TSGA10: variants seen among roughly 807,000 people sequenced by gnomAD.
TSGA10 encodes the protein testis-specific gene 10 protein.
Under a neutral mutation model 96.6 loss-of-function variants are expected in TSGA10, and 43 were observed. That is an observed-to-expected ratio of 0.44 (90% CI 0.35 to 0.57). TSGA10 has a LOEUF of 0.57. TSGA10 is among the 20% of genes least tolerant of loss of function. The probability of loss-of-function intolerance (pLI) is 0.01; values close to 1 mark genes in which losing one functional copy is unlikely to be tolerated. For missense variants in TSGA10, 703 were observed against 834.4 expected (o/e 0.84, Z 1.94); for synonymous variants, 229 against 269.9 (o/e 0.85, Z 1.48).
In TSGA10 at chr2:99,118,658, C is replaced by A. The variant is rs1386134811; in HGVS notation, c.-463G>T. On this transcript the variant is annotated 5_prime_UTR_variant, in exon 3 of 21. Coordinates refer to ENST00000393483, the MANE Select transcript of TSGA10 (RefSeq NM_025244.4). Reference sequence around the variant, plus strand: ...AACCATCAATGGATGAAGAAAAGGGCCTTTTCTATCACAAAGGTATCCAAA... The same window carrying A: ...AACCATCAATGGATGAAGAAAAGGGACTTTTCTATCACAAAGGTATCCAAA... 2.9e-5 allele frequency: 29 copies of A among 984,372 alleles called. No homozygotes were observed. Among genetic ancestry groups the A allele is most frequent in the Non-Finnish European group, 3.3e-5 (27 of 829,712 alleles). The allele number at this position is 984,372 out of a possible 1,614,324, so 61.0% of individuals were successfully genotyped here.
intron 1 of TSGA10, among the ~76,000 whole-genome samples, chr2:99,130,157 T>C (rs2093008580): frequency 2.0e-5 from 3 of 152,340 alleles, no homozygotes; most frequent in South Asian, 2.1e-4. Context: ...AGTAATGGGA[T>C]TGCTGTGTCA....
rs577899190 is a variant in TSGA10, at chr2:99,100,327, C to A, written c.611+3640G>T. Reference sequence around the variant, plus strand: ...GGAAAGTTTTGTAATGGTACAAGAACCATGTAAAAGACAAATGGAACAGAT... The same window carrying A: ...GGAAAGTTTTGTAATGGTACAAGAAACATGTAAAAGACAAATGGAACAGAT... On this transcript the variant is annotated intron_variant, in intron 10 of 20. Coordinates refer to ENST00000393483, the MANE Select transcript of TSGA10 (RefSeq NM_025244.4). Among the ~76,000 whole-genome samples, 385 of 152,102 alleles carry A rather than the reference C, an allele frequency of 2.5e-3. 3 individuals are homozygous for A. Among genetic ancestry groups the A allele is most frequent in the African/African-American group, 9.0e-3 (373 of 41,500 alleles).
Position 99,002,878 on chromosome 2 carries a change from GAGAA to G in TSGA10, c.2073-4661_2073-4658del, listed in dbSNP as rs754213103. Among the ~76,000 whole-genome samples, 398 of 140,676 alleles carry G rather than the reference GAGAA, an allele frequency of 2.8e-3. 1 individual carries two copies. Among genetic ancestry groups the G allele is most frequent in the Non-Finnish European group, 4.9e-3 (311 of 63,946 alleles). The allele number at this position is 140,676 out of a possible 152,430, so 92.3% of individuals were successfully genotyped here. On this transcript the variant is annotated intron_variant, in intron 20 of 20. Transcript: ENST00000393483. ...TAAAACAAACTTTTTTTTTTTTTTTGAGAAAGAGTCTCACTCTGTCGCCCAGGCT... is the reference window on the plus strand; with the variant it reads ...TAAAACAAACTTTTTTTTTTTTTTTGAGAGTCTCACTCTGTCGCCCAGGCT...
intron 15 of TSGA10, 131 bp from the exon 16 acceptor site, chr2:99,065,255 T>C (rs1368132074): frequency 1.0e-6 from 1 of 958,618 alleles, no homozygotes; most frequent in African/African-American, 1.7e-5. Flanking sequence ...GAAATATATC[T>C]ATACTCTTAG....
intron 16 of TSGA10, among the ~76,000 whole-genome samples, chr2:99,056,359 C>T (rs940974584): frequency 1.3e-5 from 2 of 152,070 alleles, no homozygotes; most frequent in Non-Finnish European, 2.9e-5. Context: ...TAACGCAATC[C>T]TTACATACTG....
At position 99,042,039 on chromosome 2, in the gene TSGA10, C is replaced by CCTTTTTTTTT. The variant is rs1558816084; in HGVS notation, c.1405-6601_1405-6600insAAAAAAAAAG. Among the ~76,000 whole-genome samples, 2 of 140,110 alleles carry CCTTTTTTTTT rather than the reference C, an allele frequency of 1.4e-5. 1 individual carries two copies. Among genetic ancestry groups the CCTTTTTTTTT allele is most frequent in the African/African-American group, 5.6e-5 (2 of 35,668 alleles). The allele number at this position is 140,110 out of a possible 152,430, so 91.9% of individuals were successfully genotyped here. A position where few individuals can be genotyped will look rare whatever the true frequency, so the allele number is the denominator to read the frequency against. Reference sequence around the variant, plus strand: ...ACATGAATAGACAATTGCCCCCCCACATTTTTTTTTTTTTTTTTTTTGAGA... The same window carrying CCTTTTTTTTT: ...ACATGAATAGACAATTGCCCCCCCACCTTTTTTTTTATTTTTTTTTTTTTTTTTTTTGAGA... On this transcript the variant is annotated intron_variant, in intron 16 of 20. Coordinates refer to ENST00000393483, the MANE Select transcript of TSGA10 (RefSeq NM_025244.4).
At chr2:99,017,492 G>A (rs1052374288) in intron 20 of TSGA10, among the ~76,000 whole-genome samples, 7 of 152,186 alleles carry the variant, frequency 4.6e-5, no homozygotes, top group Non-Finnish European at 8.8e-5. Flanking sequence ...TGGGCCGGGC[G>A]CGGTGGCTCA....
intron 15 of TSGA10, among the ~76,000 whole-genome samples, chr2:99,065,928 T>C (rs2085218451): frequency 6.6e-6 from 1 of 152,162 alleles, no homozygotes; most frequent in South Asian, 2.1e-4. Flanking sequence ...AACAATATAA[T>C]AGACCGAGTA....
At chr2:99,048,416 A>C (rs1201007201) in intron 16 of TSGA10, among the ~76,000 whole-genome samples, 1 of 152,210 alleles carries the variant, frequency 6.6e-6, no homozygotes, top group East Asian at 1.9e-4. Flanking sequence ...GAGGCCTCAG[A>C]AATAACACCA....
intron 10 of TSGA10, chr2:99,102,191 A>G: frequency 2.5e-6 from 4 of 1,587,432 alleles, no homozygotes; most frequent in Non-Finnish European, 3.5e-6. Flanking sequence ...CTATTCAGTT[A>G]ACTTTCAAAC....
intron 4 of TSGA10, 88 bp from the exon 5 acceptor site, chr2:99,111,003 C>T (rs182822098): frequency 3.4e-6 from 1 of 296,424 alleles, no homozygotes; most frequent in Non-Finnish European, 5.0e-6. Context: ...AAGGAAGCCA[C>T]TTAAAATAAA....
intron 1 of TSGA10, among the ~76,000 whole-genome samples, chr2:99,148,685 G>A (rs1309577250): frequency 6.6e-6 from 1 of 152,102 alleles, no homozygotes. Context: ...CTAAAAAGTG[G>A]GTGAGGCTGA....
intron 20 of TSGA10, among the ~76,000 whole-genome samples, chr2:99,008,427 C>T (rs77538934): frequency 0.012 from 1,872 of 152,166 alleles, 40 homozygotes; most frequent in African/African-American, 0.043. Flanking sequence ...AGCCCTTAAA[C>T]CTATGAAAAG....
At chr2:99,123,907 C>T (rs926430631) in intron 2 of TSGA10, among the ~76,000 whole-genome samples, 4 of 152,210 alleles carry the variant, frequency 2.6e-5, no homozygotes, top group African/African-American at 9.6e-5. Context: ...TTTTCTACCT[C>T]TTGGCTACTG....
chr2:99,108,880 T>G lies in TSGA10; in HGVS notation c.163A>C (p.Lys55Gln), dbSNP rs749747937. The G allele has an allele frequency of 6.3e-6, 10 of 1,599,790 alleles. No homozygotes were observed. Among genetic ancestry groups the G allele is most frequent in the African/African-American group, 1.3e-5 (1 of 74,186 alleles). Residue 55 changes from lysine to glutamine, a missense_variant, in exon 7 of 21, where the codon AAG becomes CAG. By Grantham distance (53) the Lys-to-Gln change is moderately conservative. Around this residue, in one of 3 missense-constraint regions of TSGA10, gnomAD observed 585 missense variants for 656.8 expected, o/e 0.89. Transcript: ENST00000393483. ...RHLAEIQGNV[K>Q]VLKSERDKIF... The stretch of plus-strand genomic sequence containing the variant: ...TTGTCTCTCTCAGATTTAAGAACCT[T>G]GACATTACCCTGAATTTCTGCCAAA...
intron 7 of TSGA10, among the ~76,000 whole-genome samples, chr2:99,106,545 C>T (rs971173847): frequency 3.5e-5 from 4 of 115,036 alleles, no homozygotes; most frequent in Admixed American, 1.9e-4. Context: ...CTTCTTCCTG[C>T]GACACATTAA....
rs557225947 is a variant in TSGA10, at chr2:99,037,334, A to G, written c.1405-1895T>C. On this transcript the variant is annotated intron_variant, in intron 16 of 20. Coordinates refer to ENST00000393483, the MANE Select transcript of TSGA10 (RefSeq NM_025244.4). Reference sequence around the variant, plus strand: ...ATGGAGTTGAACTAGAAATACATTAACAGAAGGATAGTTGGAAAATCCCAA... The same window carrying G: ...ATGGAGTTGAACTAGAAATACATTAGCAGAAGGATAGTTGGAAAATCCCAA... Among the ~76,000 whole-genome samples the G allele has an allele frequency of 4.2e-4, 64 of 152,370 alleles. 1 individual carries two copies. The highest frequency in any genetic ancestry group is 1.4e-3 in the African/African-American group (59 of 41,600).
intron 17 of TSGA10, among the ~76,000 whole-genome samples, chr2:99,027,359 T>C (rs1175735457): frequency 2.6e-5 from 4 of 152,156 alleles, no homozygotes; most frequent in African/African-American, 7.2e-5. Context: ...GCTGACTTTA[T>C]AGAAACAGAG....
At chr2:99,136,922 C>G (rs1263937977) in intron 1 of TSGA10, among the ~76,000 whole-genome samples, 1 of 150,122 alleles carries the variant, frequency 6.7e-6, no homozygotes, top group Admixed American at 6.7e-5. Context: ...CATATCCCTT[C>G]TGGAGCACTT....
Sources: gnomAD v4.1 joint callset for allele counts (sites outside exome capture counted in the v4.1 genomes callset) on GRCh38, gnomAD v4.1.1 for gene constraint, gnomAD v4.1.1 regional missense constraint, MANE v1.5 for transcripts, NCBI Gene and HGNC (gene_info 2026-07-23, HGNC 2026-07-21) for gene names.